Variants in PLCG2 observed in about 807,000 individuals in gnomAD.
PLCG2 encodes phospholipase C gamma 2, also known as 1-phosphatidylinositol 4,5-bisphosphate phosphodiesterase gamma-2.
In PLCG2, 69 loss-of-function variants were observed where a neutral mutation model predicts 175.6. That is an observed-to-expected ratio of 0.39 (90% CI 0.32 to 0.48). The LOEUF is 0.48. Among genes scored for constraint, PLCG2 ranks in the 20% least tolerant of loss-of-function variants. The pLI, the probability that PLCG2 is intolerant of heterozygous loss-of-function variation, is 0.91. For missense variants in PLCG2, 1,798 were observed against 1,650.9 expected, an observed-to-expected ratio of 1.09 and a Z score of -1.54; for synonymous variants, 827 against 624.0, an observed-to-expected ratio of 1.33 and a Z score of -4.85.
At chr16:81,891,981 C>T (rs1158662126) in intron 11 of PLCG2, among the ~76,000 whole-genome samples, 1 of 152,152 alleles carries the variant, frequency 6.6e-6, no homozygotes, top group Non-Finnish European at 1.5e-5. Context: ...CTGCTGGGAG[C>T]TGGGGATGTG....
chr16:81,768,100 G>A (rs191042681), intron 2 of PLCG2, among the ~76,000 whole-genome samples: 1 of 152,184 alleles, frequency 6.6e-6, no homozygotes, highest in Non-Finnish European at 1.5e-5. Context: ...ATGTTGACCA[G>A]GCTGGTCTTG....
chr16:81,921,118 A>G, intron 20 of PLCG2, 80 bp from the exon 21 acceptor site: 2 of 839,530 alleles, frequency 2.4e-6, no homozygotes, highest in South Asian at 3.0e-5. Flanking sequence ...AACCATAAGG[A>G]AGCCTAGAAC....
intron 2 of PLCG2, among the ~76,000 whole-genome samples, chr16:81,849,382 A>G (rs1448008102): frequency 6.6e-6 from 1 of 152,202 alleles, no homozygotes; most frequent in African/African-American, 2.4e-5. Flanking sequence ...GCTGGAAGAC[A>G]ATGTTACCTT....
intron 2 of PLCG2, among the ~76,000 whole-genome samples, chr16:81,837,935 C>G (rs1489173944): frequency 6.6e-6 from 1 of 152,132 alleles, no homozygotes; most frequent in Non-Finnish European, 1.5e-5. Flanking sequence ...TTTCCTTGTA[C>G]TTGTGTGTAT....
chr16:81,804,594 C>G (rs1911907145), intron 2 of PLCG2, among the ~76,000 whole-genome samples: 1 of 152,164 alleles, frequency 6.6e-6, no homozygotes, highest in Admixed American at 6.5e-5. Flanking sequence ...AGTTAGTAAC[C>G]TGTCTTAGTT....
At chr16:81,882,199 T>TC (rs34324132) in intron 8 of PLCG2, among the ~76,000 whole-genome samples, 1 of 152,176 alleles carries the variant, frequency 6.6e-6, no homozygotes, top group South Asian at 2.1e-4. Flanking sequence ...CAGAATGTAC[T>TC]CCCCATCCAA....
chr16:81,761,531 T>A (rs1398552377), intron 2 of PLCG2, among the ~76,000 whole-genome samples: 1 of 152,194 alleles, frequency 6.6e-6, no homozygotes, highest in Admixed American at 6.5e-5. Context: ...GAGTCATATG[T>A]CTTTCCCTCG....
intron 7 of PLCG2, 79 bp from the exon 8 acceptor site, chr16:81,880,831 T>G (rs1333507118): frequency 4.4e-6 from 6 of 1,366,972 alleles, no homozygotes; most frequent in African/African-American, 4.3e-5. Context: ...TGATGCTTTT[T>G]TAACAACAAA....
intron 3 of PLCG2, among the ~76,000 whole-genome samples, chr16:81,856,366 G>T (rs888880127): frequency 6.6e-6 from 1 of 152,190 alleles, no homozygotes; most frequent in African/African-American, 2.4e-5. Context: ...ATGTTACACA[G>T]CCCTGAAGTG....
chr16:81,940,477 C>G (rs776247232), intron 30 of PLCG2, among the ~76,000 whole-genome samples: 13 of 151,988 alleles, frequency 8.6e-5, no homozygotes, highest in Admixed American at 3.3e-4. Context: ...GTAACAATCT[C>G]GAGGGTCCAA....
chr16:81,843,022 G>T (rs977613611), intron 2 of PLCG2, among the ~76,000 whole-genome samples: 5 of 149,394 alleles, frequency 3.3e-5, no homozygotes, highest in African/African-American at 1.2e-4. Context: ...GGGAAGACCC[G>T]AGGTGATGCT....
chr16:81,812,647 G>A (rs546548972), intron 2 of PLCG2, among the ~76,000 whole-genome samples: 1 of 152,152 alleles, frequency 6.6e-6, no homozygotes, highest in Non-Finnish European at 1.5e-5. Context: ...TGCTCACTCT[G>A]ATGATAGTTT....
At chr16:81,803,208 T>A (rs1372709650) in intron 2 of PLCG2, among the ~76,000 whole-genome samples, 1 of 148,280 alleles carries the variant, frequency 6.7e-6, no homozygotes, top group Non-Finnish European at 1.5e-5. Flanking sequence ...AAGCTCTGCC[T>A]CATGGGTTCA....
intron 2 of PLCG2, among the ~76,000 whole-genome samples, chr16:81,762,129 A>C (rs1227906784): frequency 6.6e-6 from 1 of 152,046 alleles, no homozygotes; most frequent in South Asian, 2.1e-4. Context: ...GCCACCACGC[A>C]TGGCCCCTGA....
At position 81,823,284 on chromosome 16, in the gene PLCG2, T is replaced by C. The variant is rs117333528; in HGVS notation, c.194-31160T>C. 3.7e-3 allele frequency among the ~76,000 whole-genome samples: 568 copies of C among 152,334 alleles called. 1 individual carries two copies. Among genetic ancestry groups the C allele is most frequent in the Middle Eastern group, 0.01 (3 of 294 alleles). On this transcript the variant is annotated intron_variant, in intron 2 of 32. Coordinates refer to ENST00000564138, the MANE Select transcript of PLCG2 (RefSeq NM_002661.5). ...CAGTCAGGCCTCTGGTGAGCCCCTG[T>C]GGCCGGGGCAGCTGCAGCAGAGAGG...
At chr16:81,870,609 AG>A (rs1298501522) in intron 6 of PLCG2, among the ~76,000 whole-genome samples, 1 of 152,100 alleles carries the variant, frequency 6.6e-6, no homozygotes, top group African/African-American at 2.4e-5. Flanking sequence ...GAACGTGTGG[AG>A]GGTTTTGATT....
At chr16:81,848,902 G>A (rs117455719) in intron 2 of PLCG2, among the ~76,000 whole-genome samples, 1,997 of 152,306 alleles carry the variant, frequency 0.013, 19 homozygotes, top group Non-Finnish European at 0.021. Flanking sequence ...GCAGGCATTG[G>A]GAGGTTTTCT....
At chr16:81,871,032 A>G (rs1045942631) in intron 7 of PLCG2, 97 bp downstream of exon 7, 9 of 625,534 alleles carry the variant, frequency 1.4e-5, no homozygotes, top group Middle Eastern at 5.1e-4. Flanking sequence ...GAAGTGTTGA[A>G]TCTCCATTTT....
chr16:81,775,325 T>A (rs1194685231), upstream of PLCG2, among the ~76,000 whole-genome samples: 2 of 152,196 alleles, frequency 1.3e-5, no homozygotes, highest in East Asian at 3.9e-4. Context: ...TATAGGTGGG[T>A]CTTATGATGG....
Sources: allele counts gnomAD v4.1 joint callset (sites outside exome capture counted in the v4.1 genomes callset), GRCh38; gene constraint gnomAD v4.1.1; transcripts MANE v1.5; gene names NCBI Gene and HGNC (gene_info 2026-07-23, HGNC 2026-07-21).